Variants in ST7L observed in about 807,000 individuals in gnomAD.
ST7L encodes the protein suppression of tumorigenicity 7 like.
A neutral mutation model predicts 72.5 loss-of-function variants in ST7L; 57 were observed. The ratio of observed to expected loss-of-function variants is 0.79; its 90% CI spans 0.64 to 0.98. The LOEUF (loss-of-function observed/expected upper bound fraction) is 0.98. Among genes scored for constraint, ST7L ranks in the 50% least tolerant of loss-of-function variants. The pLI, the probability that ST7L is intolerant of heterozygous loss-of-function variation, is 0.00. For missense variants in ST7L, 576 were observed against 672.2 expected, an observed-to-expected ratio of 0.86 and a Z score of 1.58; for synonymous variants, 221 against 240.9, an observed-to-expected ratio of 0.92 and a Z score of 0.77.
At position 112,525,335 on chromosome 1, in the gene ST7L, GA is replaced by G. The variant is rs1335762981; in HGVS notation, c.*677del. On this transcript the variant is annotated 3_prime_UTR_variant, in exon 15 of 15. Transcript: ENST00000358039. ...GTAAATATATCACAGTTGCTACAGT[GA>G]ATTGAGCTTTCTCAGAAGCTATTAT... 6.6e-6 allele frequency: 1 copy of G among 152,268 alleles called. No individual in the cohort carries two copies. Among genetic ancestry groups the G allele is most frequent in the African/African-American group, 2.4e-5 (1 of 41,446 alleles). 9.4% of individuals were successfully genotyped at this position (152,268 alleles called of 1,614,324 possible). A position where few individuals can be genotyped will look rare whatever the true frequency, so the allele number is the denominator to read the frequency against.
chr1:112,581,287 T>C (rs183526962), intron 9 of ST7L, among the ~76,000 whole-genome samples: 39 of 152,306 alleles, frequency 2.6e-4, no homozygotes, highest in Admixed American at 2.1e-3. Context: ...ACAGCACCCA[T>C]ACTTCTCCAA....
At chr1:112,564,631 A>G (rs1388335498) in intron 11 of ST7L, among the ~76,000 whole-genome samples, 1 of 152,104 alleles carries the variant, frequency 6.6e-6, no homozygotes, top group Admixed American at 6.6e-5. Context: ...AGCCTGGCCA[A>G]CATGGTGAAA....
intron 12 of ST7L, among the ~76,000 whole-genome samples, chr1:112,552,709 T>C (rs1202303138): frequency 1.3e-5 from 2 of 152,172 alleles, no homozygotes; most frequent in Non-Finnish European, 1.5e-5. Flanking sequence ...CAGCCTAGAC[T>C]TTATTTTACC....
chr1:112,578,668 G>A (rs537425569), intron 9 of ST7L, among the ~76,000 whole-genome samples: 8 of 152,270 alleles, frequency 5.3e-5, no homozygotes, highest in African/African-American at 1.9e-4. Flanking sequence ...CAGCTACTCA[G>A]GAGGCTGAGG....
Position 112,591,678 on chromosome 1 carries a change from G to A in ST7L, c.623-75C>T, listed in dbSNP as rs1345730376. On this transcript the variant is annotated intron_variant, in intron 5 of 14. Transcript: ENST00000358039. ...GCAAAATTATGAAGAATAAGGTAGTGGAGTAAGCAAAGCTTTAAATAATAT... is the reference window on the plus strand; with the variant it reads ...GCAAAATTATGAAGAATAAGGTAGTAGAGTAAGCAAAGCTTTAAATAATAT... 5 of 1,096,766 alleles carry A rather than the reference G, an allele frequency of 4.6e-6. No individual in the cohort carries two copies. In the African/African-American group the frequency reaches 4.8e-5, roughly 11 times the overall value. 67.9% of individuals were successfully genotyped at this position (1,096,766 alleles called of 1,614,324 possible).
At chr1:112,607,081 A>G (rs1007682150) in intron 3 of ST7L, 2 of 152,354 alleles carry the variant, frequency 1.3e-5, no homozygotes, top group South Asian at 4.1e-4. Context: ...TATAGTCCAC[A>G]TTTAAACAAA....
downstream of ST7L, among the ~76,000 whole-genome samples, chr1:112,519,128 A>G (rs1325182219): frequency 6.6e-6 from 1 of 152,208 alleles, no homozygotes; most frequent in Non-Finnish European, 1.5e-5. Flanking sequence ...TAACATATAC[A>G]GTAGACCTAG....
At chr1:112,598,933 G>T (rs371594630) in intron 4 of ST7L, among the ~76,000 whole-genome samples, 1 of 149,758 alleles carries the variant, frequency 6.7e-6, no homozygotes, top group Non-Finnish European at 1.5e-5. Flanking sequence ...GGTAGCGGCC[G>T]CCTGTGATCC....
chr1:112,559,449 G>A (rs998478773), intron 11 of ST7L, among the ~76,000 whole-genome samples: 4 of 151,560 alleles, frequency 2.6e-5, no homozygotes, highest in Admixed American at 2.6e-4. Flanking sequence ...GGCCAGGCTG[G>A]TCTCGAACTC....
chr1:112,539,571 G>T, intron 14 of ST7L: 1 of 468,394 alleles, frequency 2.1e-6, no homozygotes, highest in Non-Finnish European at 2.8e-6. Context: ...CAGGAAAACT[G>T]CTTGAACCTA....
intron 3 of ST7L, among the ~76,000 whole-genome samples, chr1:112,606,418 C>T (rs1668251488): frequency 6.6e-6 from 1 of 152,172 alleles, no homozygotes; most frequent in African/African-American, 2.4e-5. Flanking sequence ...TACAGTTCAG[C>T]CAGTTCTTTT....
Position 112,614,234 on chromosome 1 carries a change from C to A in ST7L, c.288+2579G>T, listed in dbSNP as rs550090218. Among the ~76,000 whole-genome samples, 6 of 118,862 alleles carry A rather than the reference C, an allele frequency of 5.0e-5. No homozygotes were observed. In the South Asian group the frequency reaches 1.5e-3, roughly 29 times the overall value. The allele number at this position is 118,862 out of a possible 152,430, so 78.0% of individuals were successfully genotyped here. A position where few individuals can be genotyped will look rare whatever the true frequency, so the allele number is the denominator to read the frequency against. ...ATCAGCTGCTTAATATTGATAGTTTCTTTAAAACAAACAAACAAAAACCAT... is the reference window on the plus strand; with the variant it reads ...ATCAGCTGCTTAATATTGATAGTTTATTTAAAACAAACAAACAAAAACCAT... On this transcript the variant is annotated intron_variant, in intron 2 of 14. Coordinates refer to ENST00000358039, the MANE Select transcript of ST7L (RefSeq NM_017744.5).
At chr1:112,544,055 C>T (rs1319472052) in intron 13 of ST7L, among the ~76,000 whole-genome samples, 1 of 151,976 alleles carries the variant, frequency 6.6e-6, no homozygotes, top group African/African-American at 2.4e-5. Context: ...TTTGAAAATA[C>T]TTGAATAACA....
At chr1:112,586,981 G>C (rs1455766923) in intron 6 of ST7L, among the ~76,000 whole-genome samples, 2 of 152,108 alleles carry the variant, frequency 1.3e-5, no homozygotes, top group Admixed American at 1.3e-4. Flanking sequence ...TCTGCCTCTT[G>C]ACAATGTCCT....
At chr1:112,584,153 T>G in intron 6 of ST7L, 27 bp from the exon 7 acceptor site, 1 of 1,603,528 alleles carries the variant, frequency 6.2e-7, no homozygotes, top group East Asian at 2.2e-5. Context: ...AAGGCAATTT[T>G]AAATAAAATG....
intron 9 of ST7L, 44 bp downstream of exon 9, chr1:112,581,948 T>A: frequency 4.0e-6 from 5 of 1,238,764 alleles, no homozygotes; most frequent in Non-Finnish European, 5.9e-6. Flanking sequence ...ATTACATAAT[T>A]GGAAAAGAAT....
intron 2 of ST7L, 106 bp from the exon 3 acceptor site, chr1:112,611,109 G>A: frequency 9.3e-7 from 1 of 1,072,072 alleles, no homozygotes; most frequent in Non-Finnish European, 1.3e-6. Context: ...CATTTTAAAT[G>A]CACTCTCCTT....
chr1:112,565,746 G>C (rs1660909744), intron 11 of ST7L, among the ~76,000 whole-genome samples: 2 of 152,186 alleles, frequency 1.3e-5, no homozygotes, highest in South Asian at 4.1e-4. Flanking sequence ...GCCAGGCACA[G>C]TGGCTCATGC....
At chr1:112,538,132 C>A (rs1003267518) in intron 14 of ST7L, among the ~76,000 whole-genome samples, 9 of 152,176 alleles carry the variant, frequency 5.9e-5, no homozygotes, top group Admixed American at 3.3e-4. Context: ...AAAAGTCTGT[C>A]TTCTGAAGTA....
Sources: gnomAD v4.1 joint callset for allele counts (sites outside exome capture counted in the v4.1 genomes callset) on GRCh38, gnomAD v4.1.1 for gene constraint, MANE v1.5 for transcripts, NCBI Gene and HGNC (gene_info 2026-07-23, HGNC 2026-07-21) for gene names.